TEK: variants seen among roughly 807,000 people sequenced by gnomAD.
The protein encoded by TEK is TEK receptor tyrosine kinase.
TEK carries 43 observed loss-of-function variants against 131.8 expected under a neutral mutation model. That is an observed-to-expected ratio of 0.33 (90% confidence interval 0.26 to 0.42). TEK has a LOEUF of 0.42. Ranked by LOEUF, TEK falls within the 10% of genes least tolerant of loss-of-function variation. The probability of loss-of-function intolerance (pLI) is 1.00; values close to 1 mark genes in which losing one functional copy is unlikely to be tolerated. For synonymous variants in TEK, 580 were observed against 491.6 expected (o/e 1.18, Z -2.38); for missense variants, 1,162 against 1,384.4 (o/e 0.84, Z 2.55).
Position 27,212,708 on chromosome 9 carries a change from C to G in TEK, c.2688C>G (p.Gly896=), listed in dbSNP as rs983856708. The part of the protein sequence containing the change: ...INLLGACEHR[G]YLYLAIEYAP... The stretch of plus-strand genomic sequence containing the variant: ...CGATGCTCTCTTCCTTCCCTCCAGG[C>G]TACTTGTACCTGGCCATTGAGTACG... Residue 896 remains glycine (G), a splice_region_variant and synonymous_variant, in exon 17 of 23, where the codon GGC becomes GGG. Coordinates refer to ENST00000380036, the MANE Select transcript of TEK (RefSeq NM_000459.5). 3 of 1,614,008 alleles carry G rather than the reference C, an allele frequency of 1.9e-6. No homozygotes were observed. Among genetic ancestry groups the G allele is most frequent in the Non-Finnish European group, 2.5e-6 (3 of 1,180,004 alleles).
intron 1 of TEK, among the ~76,000 whole-genome samples, chr9:27,143,706 A>G (rs946721954): frequency 6.6e-6 from 1 of 152,200 alleles, no homozygotes; most frequent in Non-Finnish European, 1.5e-5. Flanking sequence ...TTGTCTACAT[A>G]GGAAGATAAA....
chr9:27,123,364 G>A (rs1821871656), intron 1 of TEK, among the ~76,000 whole-genome samples: 1 of 152,166 alleles, frequency 6.6e-6, no homozygotes, highest in South Asian at 2.1e-4. Context: ...ATGCGGGGGT[G>A]TAAAGGGAGT....
At chr9:27,219,734 A>ACTAT (rs1564107831) in intron 20 of TEK, among the ~76,000 whole-genome samples, 1 of 138,778 alleles carries the variant, frequency 7.2e-6, no homozygotes, top group African/African-American at 2.8e-5. Flanking sequence ...TCAGAAAAAA[A>ACTAT]GGTTAATCTT....
chr9:27,218,392 C>G (rs1825908390), intron 19 of TEK, among the ~76,000 whole-genome samples: 1 of 151,870 alleles, frequency 6.6e-6, no homozygotes, highest in Admixed American at 6.6e-5. Flanking sequence ...ATTATTGTCC[C>G]CACTTTTGGA....
intron 1 of TEK, among the ~76,000 whole-genome samples, chr9:27,136,621 G>T (rs899890386): frequency 3.9e-5 from 6 of 152,266 alleles, no homozygotes; most frequent in Non-Finnish European, 4.4e-5. Flanking sequence ...ACATACATTT[G>T]TGAGTATTGT....
chr9:27,183,725 G>C lies in TEK; in HGVS notation c.1182+115G>C, dbSNP rs1454336826. The C allele has an allele frequency of 3.5e-6, 5 of 1,416,104 alleles. No individual in the cohort carries two copies. In the East Asian group the frequency reaches 6.8e-5, roughly 19 times the overall value. The allele number at this position is 1,416,104 out of a possible 1,614,324, so 87.7% of individuals were successfully genotyped here. On this transcript the variant is annotated intron_variant, in intron 8 of 22. Transcript: ENST00000380036. The stretch of plus-strand genomic sequence containing the variant: ...TTTTATCCTCCTAGGCTAGTGTGTT[G>C]TTGGCTTTGATAAAATGCCCTATTC...
chr9:27,226,418 C>G (rs551444682), intron 21 of TEK, among the ~76,000 whole-genome samples: 36 of 152,354 alleles, frequency 2.4e-4, no homozygotes, highest in African/African-American at 8.7e-4. Flanking sequence ...AGGATGAGTT[C>G]TTGTCCTTTG....
chr9:27,169,457 T>A lies in TEK; in HGVS notation c.476-20T>A. 3 of 1,613,626 alleles carry A rather than the reference T, an allele frequency of 1.9e-6. No individual in the cohort carries two copies. Among genetic ancestry groups the A allele is most frequent in the Non-Finnish European group, 2.5e-6 (3 of 1,179,788 alleles). On this transcript the variant is annotated intron_variant, in intron 3 of 22. Transcript: ENST00000380036. ...ATGTTTCAGTGTGACCTACGGTTCT[T>A]CACTCTTCCCTCTTACTAGGTTCCT...
intron 3 of TEK, among the ~76,000 whole-genome samples, chr9:27,168,904 G>C (rs1823843079): frequency 1.3e-5 from 2 of 152,232 alleles, no homozygotes; most frequent in African/African-American, 4.8e-5. Flanking sequence ...TTCTTTGATT[G>C]TGACATTGTT....
intron 13 of TEK, among the ~76,000 whole-genome samples, chr9:27,204,646 G>A (rs991465489): frequency 1.3e-5 from 2 of 150,678 alleles, no homozygotes; most frequent in African/African-American, 4.9e-5. Context: ...TTGAACAAAT[G>A]ACAACTAATG....
At chr9:27,206,115 C>A (rs527820879) in intron 14 of TEK, among the ~76,000 whole-genome samples, 4 of 152,138 alleles carry the variant, frequency 2.6e-5, no homozygotes, top group Non-Finnish European at 5.9e-5. Flanking sequence ...AGCCTTACTA[C>A]GAGAGAGAAA....
chr9:27,225,747 T>C (rs1237131124), intron 21 of TEK, among the ~76,000 whole-genome samples: 1 of 152,118 alleles, frequency 6.6e-6, no homozygotes, highest in Non-Finnish European at 1.5e-5. Flanking sequence ...GGGATCTAAT[T>C]AAACTAAAGA....
Position 27,204,919 on chromosome 9 carries a change from G to C in TEK, c.2218G>C (p.Asp740His). Residue 740 changes from aspartate to histidine, a missense_variant, in exon 14 of 23, where the codon GAC becomes CAC. Transcript: ENST00000380036. Reference sequence around the variant, plus strand: ...TCTGTCTTCCTGCACAGCACCAGCGGACCTCGGAGGGGGGAAGATGCTGCT... The same window carrying C: ...TCTGTCTTCCTGCACAGCACCAGCGCACCTCGGAGGGGGGAAGATGCTGCT... ...VTLPESQAPA[D>H]LGGGKMLLIA... 1 of 1,613,912 alleles carries C rather than the reference G, an allele frequency of 6.2e-7. No homozygotes were observed. The highest frequency in any genetic ancestry group is 8.5e-7 in the Non-Finnish European group (1 of 1,179,880).
chr9:27,213,986 A>G (rs1825725320), intron 18 of TEK, among the ~76,000 whole-genome samples: 1 of 152,240 alleles, frequency 6.6e-6, no homozygotes, highest in Admixed American at 6.5e-5. Context: ...AGTCAAGAAG[A>G]CAAACTAAAT....
At chr9:27,228,036 G>C (rs1826408341) in intron 21 of TEK, among the ~76,000 whole-genome samples, 170 bp from the exon 22 acceptor site, 1 of 152,134 alleles carries the variant, frequency 6.6e-6, no homozygotes, top group Admixed American at 6.5e-5. Context: ...GAGTTGAAAT[G>C]AGACTGGCTT....
intron 19 of TEK, among the ~76,000 whole-genome samples, chr9:27,218,146 T>C (rs1000866250): frequency 6.8e-6 from 1 of 147,046 alleles, no homozygotes; most frequent in Non-Finnish European, 1.5e-5. Flanking sequence ...GGGTCGTCTC[T>C]GCTTGCAGCC....
In TEK at chr9:27,123,052, C is replaced by CAAAAAAAA. The variant is rs10700803; in HGVS notation, c.52+13429_52+13436dup. ...TGGGTGACAGAGCGAGACTCTGTCT[C>CAAAAAAAA]AAAAAAAAAAAAAAAAAAAAAAAAA... On this transcript the variant is annotated intron_variant, in intron 1 of 22. Transcript: ENST00000380036. 1.0e-3 allele frequency among the ~76,000 whole-genome samples: 36 copies of CAAAAAAAA among 34,710 alleles called. 9 individuals are homozygous for CAAAAAAAA. The highest frequency in any genetic ancestry group is 3.8e-3 in the African/African-American group (27 of 7,014). The allele number at this position is 34,710 out of a possible 152,430, so 22.8% of individuals were successfully genotyped here.
chr9:27,112,613 G>C (rs1410936835), intron 1 of TEK, among the ~76,000 whole-genome samples: 5 of 152,094 alleles, frequency 3.3e-5, no homozygotes, highest in African/African-American at 1.2e-4. Context: ...AATTTAGGTG[G>C]GTGGGCTCTA....
Position 27,123,052 on chromosome 9 carries a change from CAAAA to C in TEK, c.52+13433_52+13436del, listed in dbSNP as rs10700803. ...TGGGTGACAGAGCGAGACTCTGTCT[CAAAA>C]AAAAAAAAAAAAAAAAAAAAAACTG... On this transcript the variant is annotated intron_variant, in intron 1 of 22. Coordinates refer to ENST00000380036, the MANE Select transcript of TEK (RefSeq NM_000459.5). Among the ~76,000 whole-genome samples, 11 of 34,708 alleles carry C rather than the reference CAAAA, an allele frequency of 3.2e-4. No homozygotes were observed. In the South Asian group the frequency reaches 1.0e-2, roughly 31 times the overall value. 22.8% of individuals were successfully genotyped at this position (34,708 alleles called of 152,430 possible).
Sources: allele counts gnomAD v4.1 joint callset (sites outside exome capture counted in the v4.1 genomes callset), GRCh38; gene constraint gnomAD v4.1.1; transcripts MANE v1.5; gene names NCBI Gene and HGNC (gene_info 2026-07-23, HGNC 2026-07-21).